CNTNAP2: variants seen among roughly 807,000 people sequenced by gnomAD.
CNTNAP2 encodes contactin associated protein 2.
In CNTNAP2, 98 loss-of-function variants were observed where a neutral mutation model predicts 155.2. The ratio of observed to expected loss-of-function variants is 0.63; its 90% CI spans 0.54 to 0.75. CNTNAP2 has a LOEUF of 0.75. CNTNAP2 is among the 30% of genes least tolerant of loss of function. CNTNAP2 has a pLI of 0.00. For synonymous variants in CNTNAP2, 651 were observed against 631.2 expected (o/e 1.03, Z -0.47); for missense variants, 1,727 against 1,688.1 (o/e 1.02, Z -0.40).
intron 11 of CNTNAP2, among the ~76,000 whole-genome samples, chr7:147,514,169 A>T (rs1799073600): frequency 6.6e-6 from 1 of 152,174 alleles, no homozygotes; most frequent in East Asian, 1.9e-4. Flanking sequence ...CCCCATAATC[A>T]CAGTCATAAT....
chr7:147,820,193 A>G (rs1277563865), intron 13 of CNTNAP2, among the ~76,000 whole-genome samples: 1 of 152,096 alleles, frequency 6.6e-6, no homozygotes, highest in Admixed American at 6.6e-5. Flanking sequence ...AATTTGGTCC[A>G]TTCCAGTGGG....
At chr7:148,037,134 C>T (rs2527061) in intron 15 of CNTNAP2, among the ~76,000 whole-genome samples, 53,876 of 151,766 alleles carry the variant, frequency 0.35, 10,245 homozygotes, top group East Asian at 0.75. Context: ...GCCCACTGAT[C>T]AATATTTTCA....
Position 146,663,942 on chromosome 7 carries a change from C to G in CNTNAP2, c.98-110329C>G, listed in dbSNP as rs192707720. ...AAAAGCAAGCCTCCCTGCTTTCTTC[C>G]CAGTCTTAGGGGAAAAACGTTCAGT... On this transcript the variant is annotated intron_variant, in intron 1 of 23. Coordinates refer to ENST00000361727, the MANE Select transcript of CNTNAP2 (RefSeq NM_014141.6). Among the ~76,000 whole-genome samples the G allele has an allele frequency of 3.5e-3, 537 of 152,110 alleles. 5 individuals carry two copies. Among genetic ancestry groups the G allele is most frequent in the African/African-American group, 0.012 (517 of 41,508 alleles).
chr7:146,787,560 G>A (rs573549860), intron 2 of CNTNAP2, among the ~76,000 whole-genome samples: 3 of 152,302 alleles, frequency 2.0e-5, no homozygotes, highest in Non-Finnish European at 4.4e-5. Flanking sequence ...GACCTTCACG[G>A]TGAGTGTTAC....
intron 15 of CNTNAP2, among the ~76,000 whole-genome samples, chr7:148,115,750 T>C (rs1804454762): frequency 6.6e-6 from 1 of 152,282 alleles, no homozygotes; most frequent in South Asian, 2.1e-4. Context: ...ACCAGTAGCC[T>C]ACACTACATC....
chr7:147,910,518 CTG>C (rs144745996), intron 14 of CNTNAP2, among the ~76,000 whole-genome samples: 1,606 of 152,256 alleles, frequency 0.011, 81 homozygotes, highest in Admixed American at 0.088. Flanking sequence ...CACACCAAGA[CTG>C]TATTAGCCTG....
At position 148,266,437 on chromosome 7, in the gene CNTNAP2, C is replaced by T. The variant is rs17170934; in HGVS notation, c.3382-596C>T. On this transcript the variant is annotated intron_variant, in intron 20 of 23. Coordinates refer to ENST00000361727, the MANE Select transcript of CNTNAP2 (RefSeq NM_014141.6). ...CACGGGCAACAGGATCAGAAACGTG[C>T]GTCGCTTCCGTGGTTACTGTCTGTG... 9.2e-3 allele frequency among the ~76,000 whole-genome samples: 1,403 copies of T among 152,254 alleles called. 17 individuals are homozygous for T. Among genetic ancestry groups the T allele is most frequent in the African/African-American group, 0.032 (1,324 of 41,548 alleles).
chr7:148,177,895 G>GTA (rs1794971223), intron 18 of CNTNAP2, among the ~76,000 whole-genome samples: 1 of 146,724 alleles, frequency 6.8e-6, no homozygotes, highest in Non-Finnish European at 1.5e-5. Flanking sequence ...AACAGACACT[G>GTA]TTTTTTTTTT....
At chr7:147,975,629 A>G (rs749009133) in intron 14 of CNTNAP2, among the ~76,000 whole-genome samples, 4 of 152,208 alleles carry the variant, frequency 2.6e-5, no homozygotes, top group Non-Finnish European at 5.9e-5. Flanking sequence ...ACTGCCTGCT[A>G]TGTAATGCAC....
At chr7:147,102,282 GAAAAA>G (rs555981471) in intron 4 of CNTNAP2, among the ~76,000 whole-genome samples, 1 of 110,618 alleles carries the variant, frequency 9.0e-6, no homozygotes, top group Admixed American at 9.5e-5. Context: ...TAGGCAAAAA[GAAAAA>G]AAAAAAAAAA....
chr7:147,949,458 ATTTTTT>A (rs199529235), intron 14 of CNTNAP2, among the ~76,000 whole-genome samples: 1 of 137,390 alleles, frequency 7.3e-6, no homozygotes, highest in African/African-American at 2.7e-5. Context: ...ATATATATAT[ATTTTTT>A]TTTTTTAGGT....
chr7:147,302,473 G>T (rs1316552409), intron 9 of CNTNAP2, among the ~76,000 whole-genome samples: 1 of 152,146 alleles, frequency 6.6e-6, no homozygotes, highest in Admixed American at 6.5e-5. Flanking sequence ...TGGGTCTATG[G>T]TCTGCCTTTA....
intron 1 of CNTNAP2, among the ~76,000 whole-genome samples, chr7:146,391,191 A>T (rs1187710418): frequency 1.3e-5 from 2 of 150,734 alleles, no homozygotes; most frequent in Non-Finnish European, 3.0e-5. Flanking sequence ...GGACATGACA[A>T]GTAAATGTGA....
intron 15 of CNTNAP2, among the ~76,000 whole-genome samples, chr7:148,000,498 T>C (rs1190918661): frequency 6.6e-6 from 1 of 152,202 alleles, no homozygotes; most frequent in Non-Finnish European, 1.5e-5. Context: ...ATTATTACCC[T>C]TATTTTACAG....
intron 3 of CNTNAP2, among the ~76,000 whole-genome samples, chr7:146,986,061 C>T (rs544033375): frequency 6.6e-6 from 1 of 151,850 alleles, no homozygotes; most frequent in South Asian, 2.1e-4. Flanking sequence ...ACATGAGTAA[C>T]TTCTTTAGTG....
intron 1 of CNTNAP2, among the ~76,000 whole-genome samples, chr7:146,122,728 C>A (rs928200142): frequency 6.6e-6 from 1 of 152,048 alleles, no homozygotes; most frequent in African/African-American, 2.4e-5. Flanking sequence ...CTTAGAATAC[C>A]GTTTCTTTAT....
intron 21 of CNTNAP2, among the ~76,000 whole-genome samples, chr7:148,303,049 G>T (rs1797423160): frequency 6.6e-6 from 1 of 151,880 alleles, no homozygotes; most frequent in Non-Finnish European, 1.5e-5. Flanking sequence ...GATCTCTCAG[G>T]AGATCTGCCC....
intron 13 of CNTNAP2, among the ~76,000 whole-genome samples, chr7:147,809,109 C>T (rs967127594): frequency 6.6e-6 from 1 of 152,200 alleles, no homozygotes; most frequent in Non-Finnish European, 1.5e-5. Flanking sequence ...CCACCTACTA[C>T]TGGCAGCACG....
intron 20 of CNTNAP2, among the ~76,000 whole-genome samples, chr7:148,240,481 A>T (rs1337622170): frequency 1.3e-5 from 2 of 152,174 alleles, no homozygotes; most frequent in Admixed American, 1.3e-4. Context: ...TTTCCCCTTG[A>T]GGACAATGTC....
Sources: allele counts gnomAD v4.1 joint callset (sites outside exome capture counted in the v4.1 genomes callset), GRCh38; gene constraint gnomAD v4.1.1; transcripts MANE v1.5; gene names NCBI Gene and HGNC (gene_info 2026-07-23, HGNC 2026-07-21).